Variants in TCF4 observed in about 807,000 individuals in gnomAD.
TCF4 encodes transcription factor 4.
Under a neutral mutation model 82.1 loss-of-function variants are expected in TCF4, and 3 were observed. The observed-to-expected ratio is 0.04, with a 90% CI of 0.02 to 0.09. The LOEUF is 0.09. Ranked by LOEUF, TCF4 falls within the 10% of genes least tolerant of loss-of-function variation. The pLI is 1.00. For synonymous variants in TCF4, 276 were observed against 309.6 expected (o/e 0.89, Z 1.14); for missense variants, 518 against 852.7 (o/e 0.61, Z 4.89).
At chr18:55,504,472 C>A (rs1419820246) in intron 3 of TCF4, among the ~76,000 whole-genome samples, 1 of 152,176 alleles carries the variant, frequency 6.6e-6, no homozygotes, top group African/African-American at 2.4e-5. Context: ...TTATCACATG[C>A]TAATAAGTAT....
At chr18:55,538,440 A>G (rs1326392691) in intron 3 of TCF4, among the ~76,000 whole-genome samples, 1 of 152,220 alleles carries the variant, frequency 6.6e-6, no homozygotes, top group East Asian at 1.9e-4. Flanking sequence ...CTATTTGAAT[A>G]TATGTAAAAC....
chr18:55,429,585 C>T (rs1337535711), intron 5 of TCF4, among the ~76,000 whole-genome samples: 1 of 151,928 alleles, frequency 6.6e-6, no homozygotes, highest in East Asian at 1.9e-4. Flanking sequence ...CACGGTGAAA[C>T]CCCATCTCTA....
intron 6 of TCF4, among the ~76,000 whole-genome samples, chr18:55,383,377 T>C (rs2092224628): frequency 6.6e-6 from 1 of 152,294 alleles, no homozygotes; most frequent in Admixed American, 6.5e-5. Flanking sequence ...AATGTTCAAA[T>C]AAATGCAAAG....
At chr18:55,487,202 T>C (rs1189459201) in intron 3 of TCF4, among the ~76,000 whole-genome samples, 1 of 152,228 alleles carries the variant, frequency 6.6e-6, no homozygotes, top group African/African-American at 2.4e-5. Flanking sequence ...TCGAGTCTCG[T>C]GTCTTTCCTC....
chr18:55,367,818 T>C (rs1357089444), intron 6 of TCF4, among the ~76,000 whole-genome samples: 1 of 152,204 alleles, frequency 6.6e-6, no homozygotes, highest in Non-Finnish European at 1.5e-5. Context: ...AAATGAATGA[T>C]TAATAGATAG....
intron 2 of TCF4, among the ~76,000 whole-genome samples, chr18:55,621,950 T>C (rs1452638860): frequency 1.6e-5 from 2 of 124,968 alleles, no homozygotes; most frequent in Non-Finnish European, 3.1e-5. Context: ...ACACTATATA[T>C]ATTATATATA....
intron 8 of TCF4, among the ~76,000 whole-genome samples, chr18:55,294,328 C>T (rs1024551596): frequency 3.9e-5 from 6 of 152,064 alleles, no homozygotes; most frequent in East Asian, 1.9e-4. Flanking sequence ...TCGTATCCCC[C>T]GATAAATACT....
chr18:55,495,937 A>C (rs1901361313), intron 3 of TCF4: 1 of 152,138 alleles, frequency 6.6e-6, no homozygotes, highest in Non-Finnish European at 1.5e-5. Context: ...GGTCTTTTTA[A>C]TTGAGGCAAG....
intron 9 of TCF4, among the ~76,000 whole-genome samples, chr18:55,276,066 TCTAA>T (rs1205812250): frequency 7.2e-5 from 11 of 152,190 alleles, no homozygotes; most frequent in East Asian, 5.8e-4. Flanking sequence ...TTAGAAGTCT[TCTAA>T]CTGTTTTTTC....
intron 8 of TCF4, among the ~76,000 whole-genome samples, chr18:55,336,079 C>T (rs1490844186): frequency 1.3e-5 from 2 of 151,582 alleles, no homozygotes; most frequent in Non-Finnish European, 2.9e-5. Flanking sequence ...TTTGAGAAAA[C>T]ATTTATTGGC....
chr18:55,594,200 T>C (rs1054743342), intron 2 of TCF4, among the ~76,000 whole-genome samples: 2 of 152,230 alleles, frequency 1.3e-5, no homozygotes, highest in African/African-American at 4.8e-5. Context: ...CTGTCATCCA[T>C]CCTTCTGGTC....
At position 55,401,214 on chromosome 18, in the gene TCF4, T is replaced by C. The variant is rs1468493216; in HGVS notation, c.369+2240A>G. On this transcript the variant is annotated intron_variant, in intron 6 of 19. Coordinates refer to ENST00000354452, the MANE Select transcript of TCF4 (RefSeq NM_001083962.2). ...TCACAGAAAGCAGAAATTCATACTCTGTACATTTTTCATCTTCAGTCCCTA... is the reference window on the plus strand; with the variant it reads ...TCACAGAAAGCAGAAATTCATACTCCGTACATTTTTCATCTTCAGTCCCTA... 18 of 1,199,176 alleles carry C rather than the reference T, an allele frequency of 1.5e-5. No homozygotes were observed. In the Middle Eastern group the frequency reaches 1.7e-3, roughly 116 times the overall value. The allele number at this position is 1,199,176 out of a possible 1,614,324, so 74.3% of individuals were successfully genotyped here.
intron 14 of TCF4, 88 bp from the exon 15 acceptor site, chr18:55,254,788 C>T: frequency 3.5e-6 from 4 of 1,153,930 alleles, no homozygotes; most frequent in Non-Finnish European, 5.1e-6. Flanking sequence ...ACAAAAAACA[C>T]ACTGTGTTTC....
At chr18:55,257,629 A>G in intron 13 of TCF4, 1 of 569,132 alleles carries the variant, frequency 1.8e-6, no homozygotes, top group Admixed American at 3.1e-5. Flanking sequence ...CTCCTAAAAG[A>G]GAACATTTAA....
At chr18:55,285,303 T>C (rs888977410) in intron 8 of TCF4, among the ~76,000 whole-genome samples, 1 of 152,244 alleles carries the variant, frequency 6.6e-6, no homozygotes, top group African/African-American at 2.4e-5. Context: ...GCAATTTATC[T>C]CTCAGAACTT....
At chr18:55,529,232 C>T (rs892534641) in intron 3 of TCF4, among the ~76,000 whole-genome samples, 1 of 152,068 alleles carries the variant, frequency 6.6e-6, no homozygotes, top group Non-Finnish European at 1.5e-5. Context: ...AAGTATGAAA[C>T]ATTTAAAACT....
chr18:55,489,081 G>A (rs1185479570), intron 3 of TCF4, among the ~76,000 whole-genome samples: 2 of 152,190 alleles, frequency 1.3e-5, no homozygotes, highest in Admixed American at 6.5e-5. Flanking sequence ...TCCCAGTGGA[G>A]CCCAGGAATC....
chr18:55,548,024 G>T (rs1256236793), intron 3 of TCF4, among the ~76,000 whole-genome samples: 1 of 152,206 alleles, frequency 6.6e-6, no homozygotes, highest in Non-Finnish European at 1.5e-5. Context: ...TATGTGTTCA[G>T]ATGAAACCCT....
intron 8 of TCF4, among the ~76,000 whole-genome samples, chr18:55,300,077 G>GAAA (rs1330396017): frequency 1.3e-5 from 2 of 150,392 alleles, no homozygotes; most frequent in African/African-American, 4.9e-5. Context: ...TGTCTTAAAT[G>GAAA]AAATACACAC....
Sources: allele counts gnomAD v4.1 joint callset (sites outside exome capture counted in the v4.1 genomes callset), GRCh38; gene constraint gnomAD v4.1.1; transcripts MANE v1.5; gene names NCBI Gene and HGNC (gene_info 2026-07-23, HGNC 2026-07-21).